Variants in DYNC1I1 observed in about 807,000 individuals in gnomAD.
DYNC1I1 encodes the protein dynein cytoplasmic 1 intermediate chain 1, also known as cytoplasmic dynein 1 intermediate chain 1.
A neutral mutation model predicts 86.6 loss-of-function variants in DYNC1I1; 43 were observed. That is an observed-to-expected ratio of 0.50 (90% CI 0.39 to 0.64). The LOEUF is 0.64. Among genes scored for constraint, DYNC1I1 ranks in the 30% least tolerant of loss-of-function variants. The pLI is 0.00. For synonymous variants in DYNC1I1, 262 were observed against 283.7 expected (o/e 0.92, Z 0.77); for missense variants, 604 against 788.8 (o/e 0.77, Z 2.81).
At chr7:95,871,773 C>A (rs1335555882) in intron 6 of DYNC1I1, among the ~76,000 whole-genome samples, 1 of 152,132 alleles carries the variant, frequency 6.6e-6, no homozygotes, top group Non-Finnish European at 1.5e-5. Context: ...AGCTTGGGAG[C>A]CCTCATTATG....
chr7:96,057,083 T>C (rs1321562593), intron 14 of DYNC1I1, among the ~76,000 whole-genome samples: 4 of 152,148 alleles, frequency 2.6e-5, no homozygotes, highest in Admixed American at 2.6e-4. Context: ...GCAGGTAAAG[T>C]TACTGGAGAA....
At chr7:95,833,811 C>T (rs1430093390) in intron 5 of DYNC1I1, among the ~76,000 whole-genome samples, 1 of 144,198 alleles carries the variant, frequency 6.9e-6, no homozygotes, top group African/African-American at 2.6e-5. Context: ...GATTTTTGTA[C>T]ATTGATTTTG....
chr7:95,869,687 T>G (rs1281794067), intron 5 of DYNC1I1, among the ~76,000 whole-genome samples, 196 bp from the exon 6 acceptor site: 1 of 152,206 alleles, frequency 6.6e-6, no homozygotes, highest in East Asian at 1.9e-4. Context: ...CCCAGCCTAT[T>G]AGGGCCAACG....
chr7:95,943,966 A>T (rs1445941604), intron 6 of DYNC1I1, among the ~76,000 whole-genome samples: 1 of 152,164 alleles, frequency 6.6e-6, no homozygotes, highest in Non-Finnish European at 1.5e-5. Flanking sequence ...AGGCATGGGC[A>T]AGGACTTCAT....
At chr7:96,072,623 C>T (rs1368079236) in intron 14 of DYNC1I1, among the ~76,000 whole-genome samples, 1 of 152,048 alleles carries the variant, frequency 6.6e-6, no homozygotes, top group South Asian at 2.1e-4. Context: ...AAATTTGCCC[C>T]CATCATCTCC....
intron 10 of DYNC1I1, among the ~76,000 whole-genome samples, chr7:96,009,266 G>A (rs991186581): frequency 4.6e-5 from 7 of 152,168 alleles, no homozygotes; most frequent in African/African-American, 1.4e-4. Context: ...ATGACTGCCC[G>A]TGAAGCTAAA....
intron 5 of DYNC1I1, among the ~76,000 whole-genome samples, chr7:95,865,146 T>C (rs1489286322): frequency 3.3e-5 from 5 of 152,184 alleles, no homozygotes; most frequent in Non-Finnish European, 7.3e-5. Flanking sequence ...ATCTCTGCTC[T>C]AGGATTTCTC....
At chr7:96,028,073 A>T in intron 10 of DYNC1I1, 102 bp from the exon 11 acceptor site, 3 of 1,446,246 alleles carry the variant, frequency 2.1e-6, no homozygotes, top group Non-Finnish European at 2.8e-6. Flanking sequence ...TTTGTTTTCC[A>T]GGATGTGTTG....
At chr7:95,848,990 C>T (rs537466136) in intron 5 of DYNC1I1, among the ~76,000 whole-genome samples, 73 of 152,206 alleles carry the variant, frequency 4.8e-4, no homozygotes, top group African/African-American at 1.7e-3. Flanking sequence ...TGATGTTGAG[C>T]ATTTTTTCAG....
intron 6 of DYNC1I1, among the ~76,000 whole-genome samples, chr7:95,935,652 G>A (rs756552235): frequency 6.6e-6 from 1 of 151,934 alleles, no homozygotes; most frequent in Admixed American, 6.6e-5. Flanking sequence ...AATCAACAGC[G>A]TGAAAAAGCA....
intron 14 of DYNC1I1, among the ~76,000 whole-genome samples, chr7:96,047,532 C>A (rs1482953128): frequency 6.6e-6 from 1 of 152,138 alleles, no homozygotes; most frequent in Non-Finnish European, 1.5e-5. Flanking sequence ...GATGGCAAGG[C>A]AAGAAGAGGG....
chr7:95,890,294 G>C (rs901126830), intron 6 of DYNC1I1, among the ~76,000 whole-genome samples: 2 of 152,196 alleles, frequency 1.3e-5, no homozygotes, highest in African/African-American at 4.8e-5. Context: ...CATGGATGAA[G>C]CTGGAGGCCA....
chr7:95,943,830 G>C (rs1306805717), intron 6 of DYNC1I1, among the ~76,000 whole-genome samples: 6 of 151,354 alleles, frequency 4.0e-5, no homozygotes, highest in African/African-American at 1.2e-4. Context: ...TATGTAGAAA[G>C]CTGAAACTGG....
chr7:96,002,409 G>T (rs1794033872), intron 10 of DYNC1I1, among the ~76,000 whole-genome samples: 1 of 152,148 alleles, frequency 6.6e-6, no homozygotes, highest in South Asian at 2.1e-4. Context: ...TAAGTACATA[G>T]TGGTTAAGAG....
intron 10 of DYNC1I1, among the ~76,000 whole-genome samples, chr7:95,998,475 C>G (rs1384766601): frequency 6.6e-6 from 1 of 152,182 alleles, no homozygotes; most frequent in Non-Finnish European, 1.5e-5. Flanking sequence ...GTGGAAAAAC[C>G]AAAGCCTTCA....
intron 4 of DYNC1I1, among the ~76,000 whole-genome samples, chr7:95,817,075 TG>T (rs985653650): frequency 4.6e-5 from 7 of 152,190 alleles, no homozygotes; most frequent in African/African-American, 1.7e-4. Flanking sequence ...GATACTCATG[TG>T]GTAGGTATTT....
rs1790327438 is a variant in DYNC1I1 at position 96,076,088 on chromosome 7, A to G, written c.1541A>G (p.Asn514Ser). ...AAGCCGCTCTACTCCTTTGAAGACA[A>G]TGCAGACTATGTGTACGATGTCATG... The part of the protein sequence containing the change: ...HNKPLYSFED[N>S]ADYVYDVMWS... The change falls in exon 15 of 17, where the codon AAT becomes AGT. Residue 514 changes from asparagine (N) to serine (S), a missense_variant. Physicochemically the swap from Asn to Ser is conservative, Grantham distance 46. Transcript: ENST00000447467. The G allele has an allele frequency of 6.2e-7, 1 of 1,614,060 alleles. No individual in the cohort carries two copies. The highest frequency in any genetic ancestry group is 8.5e-7 in the Non-Finnish European group (1 of 1,180,026).
intron 14 of DYNC1I1, among the ~76,000 whole-genome samples, chr7:96,056,793 A>G (rs893687083): frequency 1.3e-5 from 2 of 152,156 alleles, no homozygotes; most frequent in South Asian, 2.1e-4. Flanking sequence ...GTCAACAAGC[A>G]TCTGTAGTAA....
At chr7:96,013,844 G>A (rs917149832) in intron 10 of DYNC1I1, among the ~76,000 whole-genome samples, 2 of 152,152 alleles carry the variant, frequency 1.3e-5, no homozygotes, top group African/African-American at 4.8e-5. Context: ...CCCATCTCCT[G>A]CCCTTCTGAG....
Sources: allele counts gnomAD v4.1 joint callset (sites outside exome capture counted in the v4.1 genomes callset), GRCh38; gene constraint gnomAD v4.1.1; transcripts MANE v1.5; gene names NCBI Gene and HGNC (gene_info 2026-07-23, HGNC 2026-07-21).